Variants in RAB11FIP4 observed in about 807,000 individuals in gnomAD.
RAB11FIP4 encodes the protein RAB11 family interacting protein 4, also known as rab11 family-interacting protein 4.
A neutral mutation model predicts 74.3 loss-of-function variants in RAB11FIP4; 23 were observed. The observed-to-expected ratio is 0.31, with a 90% CI of 0.22 to 0.44. The LOEUF (loss-of-function observed/expected upper bound fraction) is 0.44. Among genes scored for constraint, RAB11FIP4 ranks in the 20% least tolerant of loss-of-function variants. The pLI, the probability that RAB11FIP4 is intolerant of heterozygous loss-of-function variation, is 1.00. For synonymous variants in RAB11FIP4, 360 were observed against 359.9 expected (o/e 1.00, Z 0.00); for missense variants, 630 against 863.9 (o/e 0.73, Z 3.39).
intron 1 of RAB11FIP4, among the ~76,000 whole-genome samples, chr17:31,394,771 A>G (rs1231765191): frequency 6.6e-6 from 1 of 152,160 alleles, no homozygotes; most frequent in Non-Finnish European, 1.5e-5. Flanking sequence ...ATTGCAGGGC[A>G]GGACCATGGA....
chr17:31,487,545 T>A (rs755573582), intron 3 of RAB11FIP4, among the ~76,000 whole-genome samples: 26 of 152,150 alleles, frequency 1.7e-4, no homozygotes, highest in Non-Finnish European at 2.9e-4. Flanking sequence ...CGACTTCACA[T>A]GAAAAGGCTG....
At chr17:31,485,960 G>C (rs1211790902) in intron 3 of RAB11FIP4, among the ~76,000 whole-genome samples, 7 of 152,160 alleles carry the variant, frequency 4.6e-5, no homozygotes, top group African/African-American at 1.7e-4. Flanking sequence ...GGTCAGCCAG[G>C]CGCAGTGGCT....
chr17:31,440,189 G>A (rs2071395010), intron 3 of RAB11FIP4, among the ~76,000 whole-genome samples: 1 of 152,182 alleles, frequency 6.6e-6, no homozygotes, highest in Non-Finnish European at 1.5e-5. Context: ...TCCACCTGGA[G>A]CTTATTTTTG....
intron 1 of RAB11FIP4, among the ~76,000 whole-genome samples, chr17:31,398,987 G>A (rs1018474622): frequency 2.6e-5 from 4 of 152,196 alleles, no homozygotes; most frequent in South Asian, 2.1e-4. Context: ...TGGGCAGCAG[G>A]CTCCTGGACA....
chr17:31,436,002 A>G (rs573848866), intron 3 of RAB11FIP4, among the ~76,000 whole-genome samples: 2 of 152,372 alleles, frequency 1.3e-5, no homozygotes, highest in East Asian at 1.9e-4. Flanking sequence ...TAATGGAACC[A>G]GGATTAGGAA....
chr17:31,402,906 T>C (rs1024884409), intron 1 of RAB11FIP4, among the ~76,000 whole-genome samples: 50 of 152,110 alleles, frequency 3.3e-4, no homozygotes, highest in Non-Finnish European at 5.1e-4. Flanking sequence ...ATTACAGGCG[T>C]GAGCCACCGC....
intron 3 of RAB11FIP4, among the ~76,000 whole-genome samples, chr17:31,515,506 C>G (rs2142802068): frequency 6.8e-6 from 1 of 147,202 alleles, no homozygotes; most frequent in Admixed American, 6.8e-5. Flanking sequence ...GACGGACCCC[C>G]AGGAGGGCTG....
intron 2 of RAB11FIP4, among the ~76,000 whole-genome samples, chr17:31,432,372 T>C (rs1391017135): frequency 1.3e-5 from 2 of 151,600 alleles, no homozygotes; most frequent in African/African-American, 2.4e-5. Flanking sequence ...TTTTTTTTTT[T>C]TGAGACAGGG....
intron 3 of RAB11FIP4, among the ~76,000 whole-genome samples, chr17:31,494,668 G>A (rs1161180333): frequency 6.6e-5 from 10 of 151,972 alleles, no homozygotes; most frequent in Admixed American, 5.2e-4. Context: ...GTAGAAATGA[G>A]GTGTTACTAT....
chr17:31,399,182 A>G (rs971806682), intron 1 of RAB11FIP4, among the ~76,000 whole-genome samples: 3 of 152,158 alleles, frequency 2.0e-5, no homozygotes, highest in African/African-American at 7.2e-5. Flanking sequence ...GCCACCAGGA[A>G]CAGTGCAGAA....
At chr17:31,483,022 G>A (rs755795601) in intron 3 of RAB11FIP4, among the ~76,000 whole-genome samples, 12 of 151,636 alleles carry the variant, frequency 7.9e-5, no homozygotes, top group Non-Finnish European at 1.3e-4. Context: ...GTGAAACCCC[G>A]TCTCTACTAA....
At chr17:31,478,976 C>T (rs189008626) in intron 3 of RAB11FIP4, among the ~76,000 whole-genome samples, 25 of 152,300 alleles carry the variant, frequency 1.6e-4, no homozygotes, top group African/African-American at 6.0e-4. Flanking sequence ...ATTCCGGTTG[C>T]TGTAAGTAAG....
chr17:31,471,573 C>T (rs2071737224), intron 3 of RAB11FIP4, among the ~76,000 whole-genome samples: 1 of 152,168 alleles, frequency 6.6e-6, no homozygotes, highest in Non-Finnish European at 1.5e-5. Flanking sequence ...AGCAGGTCAC[C>T]CAGCTGGGAA....
rs1466139612 is a variant in RAB11FIP4 at position 31,445,560 on chromosome 17, ATATATATATATATATATATTTTT to A, written c.336+11440_336+11462del. 0.015 allele frequency among the ~76,000 whole-genome samples: 216 copies of A among 14,462 alleles called. 15 individuals carry two copies. The East Asian group carries it at 0.18, about 12-fold the overall frequency. The allele number at this position is 14,462 out of a possible 152,430, so 9.5% of individuals were successfully genotyped here. On this transcript the variant is annotated intron_variant, in intron 3 of 14. Coordinates refer to ENST00000621161, the MANE Select transcript of RAB11FIP4 (RefSeq NM_032932.6). The stretch of plus-strand genomic sequence containing the variant: ...TATATATATATATATATATATATAT[ATATATATATATATATATATTTTT>A]TTTTTTTTTTTTTTTTTTTTGACAC...
chr17:31,410,435 T>C (rs1392452868), intron 1 of RAB11FIP4, among the ~76,000 whole-genome samples: 3 of 152,168 alleles, frequency 2.0e-5, no homozygotes, highest in Non-Finnish European at 4.4e-5. Flanking sequence ...CAAGTTGGGC[T>C]GGGTGTGGTG....
chr17:31,398,272 C>T (rs1282996739), intron 1 of RAB11FIP4, among the ~76,000 whole-genome samples: 1 of 152,180 alleles, frequency 6.6e-6, no homozygotes, highest in Non-Finnish European at 1.5e-5. Context: ...AACTCCTGAC[C>T]TCTGGTGATC....
chr17:31,417,470 G>A (rs1057471915), intron 1 of RAB11FIP4, among the ~76,000 whole-genome samples: 30 of 152,176 alleles, frequency 2.0e-4, no homozygotes, highest in South Asian at 2.1e-4. Flanking sequence ...TATTGTGGCT[G>A]CTAAAACAGC....
chr17:31,501,678 G>T, intron 3 of RAB11FIP4: 1 of 154,880 alleles, frequency 6.5e-6, no homozygotes. Flanking sequence ...ACAGGCGCCC[G>T]CCACCACGCC....
At chr17:31,433,204 G>T (rs1023909710) in intron 2 of RAB11FIP4, among the ~76,000 whole-genome samples, 22 of 152,286 alleles carry the variant, frequency 1.4e-4, no homozygotes, top group African/African-American at 5.3e-4. Context: ...ACTTGCTAAG[G>T]CCTCCCCACT....
Sources: allele counts gnomAD v4.1 joint callset (sites outside exome capture counted in the v4.1 genomes callset), GRCh38; gene constraint gnomAD v4.1.1; transcripts MANE v1.5; gene names NCBI Gene and HGNC (gene_info 2026-07-23, HGNC 2026-07-21).